HDX: variants seen among roughly 807,000 people sequenced by gnomAD.
HDX encodes highly divergent homeobox.
In HDX, 19 loss-of-function variants were observed where a neutral mutation model predicts 45.2. The ratio of observed to expected loss-of-function variants is 0.42; its 90% CI spans 0.29 to 0.62. The LOEUF is 0.62. Ranked by LOEUF, HDX falls within the 20% of genes least tolerant of loss-of-function variation. The pLI is 0.20. For synonymous variants in HDX, 188 were observed against 172.8 expected, an observed-to-expected ratio of 1.09 and a Z score of -0.69; for missense variants, 532 against 493.9, an observed-to-expected ratio of 1.08 and a Z score of -0.73.
chrX:84,426,743 T>A (rs962289581), intron 5 of HDX, among the ~76,000 whole-genome samples: 4 of 110,560 alleles, frequency 3.6e-5, no homozygotes, highest in Non-Finnish European at 3.8e-5. Context: ...GGTGACAATA[T>A]TTAATCAAAC....
intron 4 of HDX, among the ~76,000 whole-genome samples, chrX:84,453,525 A>G (rs191758645): frequency 8.9e-6 from 1 of 112,098 alleles, no homozygotes; most frequent in Admixed American, 9.4e-5. Context: ...GAGTATTTAG[A>G]CCAGCACTAG....
intron 5 of HDX, among the ~76,000 whole-genome samples, chrX:84,392,399 C>T (rs2038462179): frequency 9.0e-6 from 1 of 110,900 alleles, no homozygotes; most frequent in African/African-American, 3.3e-5. Context: ...GCTATTTGGG[C>T]TCCCCATTTG....
At chrX:84,498,963 C>T (rs903445711) in intron 1 of HDX, among the ~76,000 whole-genome samples, 2 of 110,976 alleles carry the variant, frequency 1.8e-5, no homozygotes, top group Non-Finnish European at 3.8e-5. Flanking sequence ...AAGTCAAACC[C>T]GTGATTGGGT....
chrX:84,447,160 C>G (rs957533662), intron 4 of HDX, among the ~76,000 whole-genome samples: 1 of 111,780 alleles, frequency 8.9e-6, no homozygotes, highest in African/African-American at 3.3e-5. Context: ...CGGAATGACA[C>G]TAGAAAATCT....
intron 5 of HDX, among the ~76,000 whole-genome samples, chrX:84,381,855 G>A (rs1321704462): frequency 9.1e-6 from 1 of 110,135 alleles, no homozygotes; most frequent in Non-Finnish European, 1.9e-5. Flanking sequence ...TGAACAACTG[G>A]GATCATGTCA....
intron 5 of HDX, among the ~76,000 whole-genome samples, chrX:84,408,105 GA>G (rs1267676969): frequency 9.0e-6 from 1 of 111,413 alleles, no homozygotes; most frequent in African/African-American, 3.3e-5. Flanking sequence ...TTTTTGTCAT[GA>G]AATCATTACC....
chrX:84,321,880 CA>C lies in HDX; in HGVS notation c.*8del. The C allele has an allele frequency of 8.4e-7, 1 of 1,186,087 alleles. No individual in the cohort carries two copies. Among genetic ancestry groups the C allele is most frequent in the East Asian group, 3.0e-5 (1 of 33,117 alleles). On this transcript the variant is annotated 3_prime_UTR_variant, in exon 11 of 11. Coordinates refer to ENST00000373177, the MANE Select transcript of HDX (RefSeq NM_001177479.2). The stretch of plus-strand genomic sequence containing the variant: ...AAAAGACTGTATCATATATTCCCTC[CA>C]ACTGAAATCACAAACTTTCTGAGAC...
intron 4 of HDX, 143 bp from the exon 5 acceptor site, chrX:84,440,728 AT>A: frequency 2.4e-6 from 1 of 409,717 alleles, no homozygotes. Context: ...TTGTTTCCTT[AT>A]TGAACTCAAC....
chrX:84,432,474 T>A (rs926364894), intron 5 of HDX, among the ~76,000 whole-genome samples: 12 of 111,838 alleles, frequency 1.1e-4, no homozygotes, highest in Non-Finnish European at 1.9e-4. Context: ...CATAGAATGT[T>A]TTTCCATTTA....
intron 5 of HDX, among the ~76,000 whole-genome samples, chrX:84,373,837 G>A (rs1487169764): frequency 9.0e-6 from 1 of 110,981 alleles, no homozygotes; most frequent in Non-Finnish European, 1.9e-5. Flanking sequence ...CATTCCCTTT[G>A]AAAACTGGCA....
intron 6 of HDX, among the ~76,000 whole-genome samples, chrX:84,351,132 A>G (rs748638351): frequency 9.1e-6 from 1 of 110,080 alleles, no homozygotes; most frequent in Non-Finnish European, 1.9e-5. Context: ...TCCAGTGGGG[A>G]AAGAGACTTC....
chrX:84,370,970 GT>G (rs1167448842), intron 5 of HDX, among the ~76,000 whole-genome samples: 26 of 112,169 alleles, frequency 2.3e-4, no homozygotes, highest in African/African-American at 6.8e-4. Flanking sequence ...TTGCAAACTT[GT>G]CAAAAACAAA....
chrX:84,336,079 A>C (rs1406069486), intron 8 of HDX, among the ~76,000 whole-genome samples: 1 of 110,521 alleles, frequency 9.0e-6, no homozygotes, highest in Non-Finnish European at 1.9e-5. Context: ...AAGCAAAAAC[A>C]AAAGGACAAT....
chrX:84,329,138 A>T (rs1483876748), intron 9 of HDX, among the ~76,000 whole-genome samples: 1 of 112,006 alleles, frequency 8.9e-6, no homozygotes, highest in East Asian at 2.8e-4. Context: ...GGCTTCAGAG[A>T]GAATAGATTG....
rs182538512 is a variant in HDX at position 84,333,086 on chromosome X, C to T, written c.1824+673G>A. Among the ~76,000 whole-genome samples, 297 of 111,186 alleles carry T rather than the reference C, an allele frequency of 2.7e-3. 2 individuals are homozygous for T. The highest frequency in any genetic ancestry group is 9.4e-3 in the African/African-American group (288 of 30,724). The stretch of plus-strand genomic sequence containing the variant: ...TTGTGTATGAAAAGGACTGTGTGGC[C>T]AAAATTTCAGAAGTTCCCAAAGTTA... On this transcript the variant is annotated intron_variant, in intron 9 of 10. Coordinates refer to ENST00000373177, the MANE Select transcript of HDX (RefSeq NM_001177479.2).
chrX:84,416,641 G>C (rs1031271995), intron 5 of HDX, among the ~76,000 whole-genome samples: 11 of 110,917 alleles, frequency 9.9e-5, no homozygotes, highest in Non-Finnish European at 1.9e-4. Flanking sequence ...GCACGTTGTG[G>C]ACCAGTGTGA....
intron 6 of HDX, among the ~76,000 whole-genome samples, chrX:84,349,703 T>TGC: frequency 1.1e-5 from 1 of 93,283 alleles, no homozygotes; most frequent in East Asian, 3.4e-4. Flanking sequence ...TGTGTGTGTG[T>TGC]GCACACACAC....
chrX:84,398,123 C>T (rs976415561), intron 5 of HDX, among the ~76,000 whole-genome samples: 20 of 108,224 alleles, frequency 1.8e-4, no homozygotes, highest in African/African-American at 5.4e-4. Flanking sequence ...CACACACACA[C>T]ATATATATAT....
At chrX:84,405,664 A>ATGTGTGTGTGTGTG (rs35051495) in intron 5 of HDX, among the ~76,000 whole-genome samples, 1 of 87,290 alleles carries the variant, frequency 1.1e-5, no homozygotes, top group Admixed American at 1.4e-4. Flanking sequence ...ATATATATAT[A>ATGTGTGTGTGTGTG]TGTGTGTGTG....
Sources: gnomAD v4.1 joint callset for allele counts (sites outside exome capture counted in the v4.1 genomes callset) on GRCh38, gnomAD v4.1.1 for gene constraint, MANE v1.5 for transcripts, NCBI Gene and HGNC (gene_info 2026-07-23, HGNC 2026-07-21) for gene names.